PPP2R5E: variants seen among roughly 807,000 people sequenced by gnomAD.
The protein encoded by PPP2R5E is protein phosphatase 2 regulatory subunit B'epsilon.
A neutral mutation model predicts 65.3 loss-of-function variants in PPP2R5E; 4 were observed. The observed-to-expected ratio is 0.06, with a 90% CI of 0.03 to 0.14. The LOEUF (loss-of-function observed/expected upper bound fraction) is 0.14. PPP2R5E is among the 10% of genes least tolerant of loss of function. The pLI, the probability that PPP2R5E is intolerant of heterozygous loss-of-function variation, is 1.00. For missense variants in PPP2R5E, 274 were observed against 556.1 expected, an observed-to-expected ratio of 0.49 and a Z score of 5.10; for synonymous variants, 183 against 187.4, an observed-to-expected ratio of 0.98 and a Z score of 0.19.
At chr14:63,502,809 C>G (rs549348089) in intron 2 of PPP2R5E, among the ~76,000 whole-genome samples, 107 of 152,242 alleles carry the variant, frequency 7.0e-4, no homozygotes, top group African/African-American at 2.5e-3. Context: ...AAAAAGGTGT[C>G]TGAAAGCTCA....
intron 3 of PPP2R5E, among the ~76,000 whole-genome samples, chr14:63,445,932 T>C (rs1888453884): frequency 6.6e-6 from 1 of 152,222 alleles, no homozygotes. Flanking sequence ...TGCTGTCTGA[T>C]AGCATTTTAT....
chr14:63,466,654 C>T (rs148403354), intron 2 of PPP2R5E, among the ~76,000 whole-genome samples: 56 of 152,228 alleles, frequency 3.7e-4, no homozygotes, highest in African/African-American at 1.3e-3. Context: ...TGCCAAGAGA[C>T]AAGAAACCCA....
At chr14:63,446,754 A>T (rs1319077661) in intron 3 of PPP2R5E, among the ~76,000 whole-genome samples, 1 of 149,350 alleles carries the variant, frequency 6.7e-6, no homozygotes, top group Non-Finnish European at 1.5e-5. Flanking sequence ...GCGTGAACCC[A>T]GGAGGCAGAG....
In PPP2R5E at chr14:63,486,082, G is replaced by A. The variant is rs544324329; in HGVS notation, c.158-32197C>T. Among the ~76,000 whole-genome samples, 309 of 151,988 alleles carry A rather than the reference G, an allele frequency of 2.0e-3. 1 individual carries two copies. The highest frequency in any genetic ancestry group is 6.4e-3 in the African/African-American group (265 of 41,462). On this transcript the variant is annotated intron_variant, in intron 2 of 13. Transcript: ENST00000337537. Reference sequence around the variant, plus strand: ...TGATTTCAGGTGATCTGCCCACCTCGGCCTCCCAAAGTGCTGGGATTATAG... The same window carrying A: ...TGATTTCAGGTGATCTGCCCACCTCAGCCTCCCAAAGTGCTGGGATTATAG...
chr14:63,480,284 T>A (rs550895389), intron 2 of PPP2R5E, among the ~76,000 whole-genome samples: 1 of 152,034 alleles, frequency 6.6e-6, no homozygotes, highest in East Asian at 1.9e-4. Flanking sequence ...ATGGTGAAAC[T>A]CTGTCTCTAC....
intron 2 of PPP2R5E, among the ~76,000 whole-genome samples, chr14:63,494,185 TTAAG>T (rs754639529): frequency 7.9e-5 from 12 of 152,136 alleles, no homozygotes; most frequent in East Asian, 3.8e-4. Context: ...GAAAGTGGTC[TTAAG>T]TAAGTAACTA....
intron 2 of PPP2R5E, among the ~76,000 whole-genome samples, chr14:63,473,456 T>C (rs1455873055): frequency 2.4e-4 from 37 of 152,020 alleles, no homozygotes; most frequent in Admixed American, 2.4e-3. Flanking sequence ...AAACTCAGGA[T>C]AGGAAGGGAC....
At chr14:63,389,462 A>C (rs1331692882) in intron 11 of PPP2R5E, 150 bp downstream of exon 11, 2 of 916,804 alleles carry the variant, frequency 2.2e-6, no homozygotes, top group Non-Finnish European at 3.1e-6. Context: ...CAAGTGCTCA[A>C]GATAAGCTGG....
intron 2 of PPP2R5E, among the ~76,000 whole-genome samples, chr14:63,461,737 G>A (rs1194135602): frequency 6.6e-6 from 1 of 151,952 alleles, no homozygotes; most frequent in Non-Finnish European, 1.5e-5. Context: ...CCAGGCTGCA[G>A]TGAGCTATAA....
Position 63,389,694 on chromosome 14 carries a change from A to T in PPP2R5E, c.992T>A (p.Val331Glu), listed in dbSNP as rs771407076. The change falls in exon 11 of 14, where the codon GTG (valine) becomes GAG (glutamate). Residue 331 changes from valine (V) to glutamate (E), a missense_variant. Coordinates refer to ENST00000337537, the MANE Select transcript of PPP2R5E (RefSeq NM_006246.5). ...FLGELEEILD[V>E]IEPSQFVKIQ... ...TTTAACAAATTGTGAAGGTTCAATC[A>T]CATCCAATATTTCTTCCAGTTCCCC... The T allele has an allele frequency of 6.2e-7, 1 of 1,610,988 alleles. No homozygotes were observed. Among genetic ancestry groups the T allele is most frequent in the Admixed American group, 1.7e-5 (1 of 59,512 alleles).
chr14:63,485,424 G>GT (rs550012895), intron 2 of PPP2R5E, among the ~76,000 whole-genome samples: 2 of 151,896 alleles, frequency 1.3e-5, no homozygotes, highest in Non-Finnish European at 2.9e-5. Context: ...TTTTTGGGGG[G>GT]TTTTTTTGAG....
chr14:63,465,739 T>C (rs114532427), intron 2 of PPP2R5E, among the ~76,000 whole-genome samples: 3,023 of 152,304 alleles, frequency 0.02, 82 homozygotes, highest in African/African-American at 0.064. Flanking sequence ...TAACCATAAC[T>C]TCTCTTCTGC....
At chr14:63,399,366 C>CTTTGTTTTTTTT (rs1885604828) in intron 5 of PPP2R5E, among the ~76,000 whole-genome samples, 4 of 48,508 alleles carry the variant, frequency 8.2e-5, no homozygotes, top group Non-Finnish European at 7.2e-5. Flanking sequence ...GGATTTCTTT[C>CTTTGTTTTTTTT]TTTTTTTTTT....
intron 2 of PPP2R5E, among the ~76,000 whole-genome samples, chr14:63,494,481 C>A (rs1372397216): frequency 1.3e-5 from 2 of 151,754 alleles, no homozygotes; most frequent in Non-Finnish European, 2.9e-5. Flanking sequence ...GTGATCTGCC[C>A]CTATTAGCCT....
intron 5 of PPP2R5E, among the ~76,000 whole-genome samples, chr14:63,414,602 T>C (rs1267729783): frequency 6.6e-6 from 1 of 152,188 alleles, no homozygotes; most frequent in African/African-American, 2.4e-5. Context: ...GAAAAAAGTG[T>C]TCCCGGAGAT....
At chr14:63,512,118 C>A (rs1352998170) in intron 2 of PPP2R5E, among the ~76,000 whole-genome samples, 1 of 141,218 alleles carries the variant, frequency 7.1e-6, no homozygotes, top group Non-Finnish European at 1.5e-5. Context: ...TCTCAGAACA[C>A]TGAAAATAAA....
chr14:63,423,796 T>C (rs998416194), intron 3 of PPP2R5E, among the ~76,000 whole-genome samples: 2 of 152,164 alleles, frequency 1.3e-5, no homozygotes, highest in African/African-American at 4.8e-5. Context: ...AGGAAAACAG[T>C]AGTGAACAAA....
intron 2 of PPP2R5E, among the ~76,000 whole-genome samples, chr14:63,485,406 T>A (rs1176386345): frequency 2.0e-5 from 3 of 152,084 alleles, no homozygotes; most frequent in Non-Finnish European, 4.4e-5. Context: ...TTTGTTTTTT[T>A]TGTTCGTTTT....
chr14:63,483,245 G>C (rs67442217), intron 2 of PPP2R5E, among the ~76,000 whole-genome samples: 27 of 151,814 alleles, frequency 1.8e-4, no homozygotes, highest in Non-Finnish European at 2.5e-4. Context: ...AACATGGGGA[G>C]GGGGGGTCAC....
Sources: gnomAD v4.1 joint callset for allele counts (sites outside exome capture counted in the v4.1 genomes callset) on GRCh38, gnomAD v4.1.1 for gene constraint, MANE v1.5 for transcripts, NCBI Gene and HGNC (gene_info 2026-07-23, HGNC 2026-07-21) for gene names.